Variants in GNAS observed in about 807,000 individuals in gnomAD.
The protein encoded by GNAS is protein ALEX.
In GNAS, 8 loss-of-function variants were observed where a neutral mutation model predicts 54.5. That is an observed-to-expected ratio of 0.15 (90% CI 0.09 to 0.26). The LOEUF (loss-of-function observed/expected upper bound fraction) is 0.26, where lower values mean the gene tolerates loss of function less well. Ranked by LOEUF, GNAS falls within the 10% of genes least tolerant of loss-of-function variation. The pLI is 1.00. For missense variants in GNAS, 170 were observed against 529.8 expected (o/e 0.32, Z 6.67); for synonymous variants, 204 against 191.4 (o/e 1.07, Z -0.54).
chr20:58,862,182 G>A (rs2145633384), intron 1 of GNAS, among the ~76,000 whole-genome samples: 1 of 151,940 alleles, frequency 6.6e-6, no homozygotes, highest in Non-Finnish European at 1.5e-5. Context: ...TTTTGAGACA[G>A]GGTCTCACTC....
At position 58,841,469 on chromosome 20, in the gene GNAS, C is replaced by A. The variant is rs1272504170; in HGVS notation, c.43+583C>A. 9.1e-6 allele frequency: 9 copies of A among 991,844 alleles called. No homozygotes were observed. The highest frequency in any genetic ancestry group is 1.1e-5 in the Non-Finnish European group (9 of 834,286). The allele number at this position is 991,844 out of a possible 1,614,324, so 61.4% of individuals were successfully genotyped here. The stretch of plus-strand genomic sequence containing the variant: ...CGCGCGGCGCCTAAGCAGCTCAGAG[C>A]CGGAGCCCAGGTCCCAGAGCTGACA... On this transcript the variant is annotated intron_variant, in intron 1 of 12. Transcript: ENST00000306090. The surrounding 1 kb of genome is among the most constrained non-coding windows in gnomAD (Gnocchi z 5.0).
In GNAS at chr20:58,849,454, T is replaced by A. The variant is rs187391632; in HGVS notation, c.43+8568T>A. 1.1e-3 allele frequency among the ~76,000 whole-genome samples: 175 copies of A among 152,342 alleles called. No individual in the cohort carries two copies. In the Middle Eastern group the frequency reaches 0.017, roughly 15 times the overall value. On this transcript the variant is annotated intron_variant, in intron 1 of 12. Coordinates refer to the GNAS transcript ENST00000306090. ...AGTTTTCTCTGACTCCATAAATTCA[T>A]CTTTGTAAGTACGATTGCCAATTTG... is the stretch of plus-strand genomic sequence containing the variant.
intron 1 of GNAS, among the ~76,000 whole-genome samples, chr20:58,882,002 T>G (rs992662547): frequency 6.6e-6 from 1 of 152,218 alleles, no homozygotes; most frequent in African/African-American, 2.4e-5. Context: ...CCCAGTTAGA[T>G]TGTCTCTTTT....
At chr20:58,889,296 G>A (rs2088873341), upstream of GNAS, 3 of 990,094 alleles carry the variant, frequency 3.0e-6, no homozygotes, top group African/African-American at 5.3e-5. Context: ...TCCCGGCGCG[G>A]GGCGGCGGCG....
At chr20:58,908,553 T>G (rs145292615) in intron 6 of GNAS, among the ~76,000 whole-genome samples, 2 of 151,932 alleles carry the variant, frequency 1.3e-5, no homozygotes, top group African/African-American at 4.8e-5. Flanking sequence ...GGGAAAGTCC[T>G]TGATGTTTTT....
chr20:58,879,163 AATTAAT>A (rs771176275), intron 1 of GNAS, among the ~76,000 whole-genome samples: 2 of 152,210 alleles, frequency 1.3e-5, no homozygotes, highest in African/African-American at 4.8e-5. Context: ...TTCATGTCAC[AATTAAT>A]ATTGTTTGAG....
intron 1 of GNAS, chr20:58,892,097 C>G (rs1196744291): frequency 1.0e-6 from 1 of 968,578 alleles, no homozygotes; most frequent in Non-Finnish European, 1.2e-6. Context: ...GGCGCGGGTC[C>G]CCCTCCCCCG....
intron 1 of GNAS, chr20:58,854,827 G>T: frequency 6.3e-7 from 1 of 1,593,802 alleles, no homozygotes; most frequent in East Asian, 2.3e-5. Flanking sequence ...CCTGCCTCCG[G>T]GGCCAGACGC....
In GNAS at chr20:58,853,788, A is replaced by G. The variant is rs761936792; in HGVS notation, c.43+12902A>G. The G allele has an allele frequency of 2.5e-6, 4 of 1,611,730 alleles. No homozygotes were observed. The highest frequency in any genetic ancestry group is 3.4e-6 in the Non-Finnish European group (4 of 1,179,014). ...TGACCAGCCTGCCCAGAGAGGCTGC[A>G]GTCAACTTCTCTTACAGGTCCCAGA... On this transcript the variant is annotated intron_variant, in intron 1 of 12. Transcript: ENST00000306090. The surrounding 1 kb of genome is among the most constrained non-coding windows in gnomAD (Gnocchi z 4.4).
At chr20:58,896,600 G>A (rs1568995362) in intron 2 of GNAS, among the ~76,000 whole-genome samples, 1 of 150,590 alleles carries the variant, frequency 6.6e-6, no homozygotes, top group Admixed American at 6.6e-5. Flanking sequence ...CCTACCCATC[G>A]TTCTCGTGTA....
At position 58,856,220 on chromosome 20, in the gene GNAS, G is replaced by A. The variant is rs1041631026; in HGVS notation, c.43+15334G>A. 3 of 155,776 alleles carry A rather than the reference G, an allele frequency of 1.9e-5. No homozygotes were observed. The highest frequency in any genetic ancestry group is 7.3e-5 in the African/African-American group (3 of 41,370). 9.6% of individuals were successfully genotyped at this position (155,776 alleles called of 1,614,324 possible). A position where few individuals can be genotyped will look rare whatever the true frequency, so the allele number is the denominator to read the frequency against. Reference sequence around the variant, plus strand: ...TGAAAAACCAGACACACAGGTATCTGGGGCGCCCGGGGCTGCACACCTCAG... The same window carrying A: ...TGAAAAACCAGACACACAGGTATCTAGGGCGCCCGGGGCTGCACACCTCAG... On this transcript the variant is annotated intron_variant, in intron 1 of 12. Transcript: ENST00000306090. The surrounding 1 kb of genome is among the most constrained non-coding windows in gnomAD (Gnocchi z 4.2).
At chr20:58,897,090 C>T (rs565255487) in intron 2 of GNAS, among the ~76,000 whole-genome samples, 54 of 152,316 alleles carry the variant, frequency 3.5e-4, no homozygotes, top group African/African-American at 1.2e-3. Context: ...TACTTTAACC[C>T]TGAATTCAGA....
intron 1 of GNAS, among the ~76,000 whole-genome samples, chr20:58,871,658 T>TAAA (rs2087475943): frequency 4.6e-5 from 4 of 86,992 alleles, no homozygotes; most frequent in African/African-American, 1.4e-4. Flanking sequence ...CCAAAAAAAT[T>TAAA]AAAAGGGAGA....
chr20:58,907,996 C>T (rs2091197378), intron 6 of GNAS, among the ~76,000 whole-genome samples: 1 of 152,208 alleles, frequency 6.6e-6, no homozygotes, highest in African/African-American at 2.4e-5. Flanking sequence ...TGGTAACATG[C>T]TGGAGGCCAG....
At position 58,859,647 on chromosome 20, in the gene GNAS, G is replaced by A. The variant is rs1272955819; in HGVS notation, c.43+18761G>A. On this transcript the variant is annotated intron_variant, in intron 1 of 12. Transcript: ENST00000306090. ...CAGACACTTTTTTTTTTTTTTTTGA[G>A]AAGGAGTCTCGCTCTATCGCCCAGG... Among the ~76,000 whole-genome samples, 2 of 140,970 alleles carry A rather than the reference G, an allele frequency of 1.4e-5. 1 individual carries two copies. The highest frequency in any genetic ancestry group is 1.4e-4 in the Admixed American group (2 of 14,066). 92.5% of individuals were successfully genotyped at this position (140,970 alleles called of 152,430 possible).
chr20:58,892,062 C>G (rs1341906421), intron 1 of GNAS, 197 bp downstream of exon 1: 22 of 899,648 alleles, frequency 2.4e-5, no homozygotes, highest in Admixed American at 1.2e-4. Flanking sequence ...GGCTCAAAAA[C>G]GGGGCGGGGG....
At chr20:58,867,350 T>C (rs2087125703) in intron 1 of GNAS, 1 of 152,190 alleles carries the variant, frequency 6.6e-6, no homozygotes, top group Non-Finnish European at 1.5e-5. Flanking sequence ...CAGTGTGGGT[T>C]TTAGGATGGA....
intron 6 of GNAS, among the ~76,000 whole-genome samples, chr20:58,908,489 A>G (rs1000027145): frequency 6.6e-6 from 1 of 151,986 alleles, no homozygotes; most frequent in African/African-American, 2.4e-5. Context: ...TTAAAAAGTA[A>G]AAAGGAAGGG....
At chr20:58,855,689 C>A (rs1358755293) in intron 1 of GNAS, 2 of 676,812 alleles carry the variant, frequency 3.0e-6, no homozygotes, top group Admixed American at 4.6e-5. Context: ...CCCCGGGACT[C>A]CCCTGGCTAG....
Sources: gnomAD v4.1 joint callset for allele counts (sites outside exome capture counted in the v4.1 genomes callset) on GRCh38, gnomAD v4.1.1 for gene constraint, Gnocchi (gnomAD v3.1) non-coding constraint, MANE v1.5 for transcripts, NCBI Gene and HGNC (gene_info 2026-07-23, HGNC 2026-07-21) for gene names.